The following LRRK2 variants were observed in gnomAD, a reference collection of about 807,000 sequenced individuals.
LRRK2 encodes leucine rich repeat kinase 2.
A neutral mutation model predicts 302.6 loss-of-function variants in LRRK2; 203 were observed. That is an observed-to-expected ratio of 0.67 (90% CI 0.60 to 0.75). The LOEUF (loss-of-function observed/expected upper bound fraction) is 0.75. LRRK2 is among the 30% of genes least tolerant of loss of function. The probability of loss-of-function intolerance (pLI) is 0.00; values close to 1 mark genes in which losing one functional copy is unlikely to be tolerated. For synonymous variants in LRRK2, 1,066 were observed against 1,031.9 expected (o/e 1.03, Z -0.63); for missense variants, 2,830 against 2,951.0 (o/e 0.96, Z 0.95).
chr12:40,269,777 T>C (rs1943160291), intron 14 of LRRK2, among the ~76,000 whole-genome samples: 1 of 152,164 alleles, frequency 6.6e-6, no homozygotes, highest in Non-Finnish European at 1.5e-5. Context: ...TTCCCAGGTA[T>C]TCGTTTTTTC....
rs1251279171 is a variant in LRRK2 at position 40,325,484 on chromosome 12, AGG to A, written c.5656+2180_5656+2181del. Among the ~76,000 whole-genome samples the A allele has an allele frequency of 2.6e-5, 4 of 152,100 alleles. No individual in the cohort carries two copies. In the South Asian group the frequency reaches 6.2e-4, roughly 24 times the overall value. On this transcript the variant is annotated intron_variant, in intron 38 of 50. Coordinates refer to ENST00000298910, the MANE Select transcript of LRRK2 (RefSeq NM_198578.4). The stretch of plus-strand genomic sequence containing the variant: ...TTGGATAACTAACTCTTTCTTATCG[AGG>A]GTCATCCTGTGCACTGCAGAATGTT...
chr12:40,286,654 C>T (rs1200316399), intron 19 of LRRK2: 2 of 152,186 alleles, frequency 1.3e-5, no homozygotes, highest in Admixed American at 1.3e-4. Context: ...TATTGTACTA[C>T]ATGATACAGC....
At chr12:40,340,182 C>T (rs1945996090) in intron 40 of LRRK2, 112 bp from the exon 41 acceptor site, 3 of 1,061,642 alleles carry the variant, frequency 2.8e-6, no homozygotes, top group Non-Finnish European at 4.2e-6. Context: ...ACAAAGTGAG[C>T]ACAGAATTTT....
intron 39 of LRRK2, among the ~76,000 whole-genome samples, chr12:40,333,568 G>T (rs1046108680): frequency 1.3e-5 from 2 of 152,098 alleles, no homozygotes; most frequent in African/African-American, 4.8e-5. Context: ...CACAGAGAGG[G>T]TTGTTGCCAT....
At chr12:40,353,989 G>C (rs914912808) in intron 44 of LRRK2, among the ~76,000 whole-genome samples, 2 of 152,104 alleles carry the variant, frequency 1.3e-5, no homozygotes, top group Non-Finnish European at 2.9e-5. Flanking sequence ...AGAGGGAGAG[G>C]GAGACCATGG....
chr12:40,347,026 A>AT lies in LRRK2; in HGVS notation c.6280+111dup, dbSNP rs11289057. On this transcript the variant is annotated intron_variant, in intron 42 of 50. Coordinates refer to ENST00000298910, the MANE Select transcript of LRRK2 (RefSeq NM_198578.4). Reference sequence around the variant, plus strand: ...TGCTTAATTCCTTAAACAGATGATCATTTTTTTTGTTTAGTGCATAAATAT... The same window carrying AT: ...TGCTTAATTCCTTAAACAGATGATCATTTTTTTTTGTTTAGTGCATAAATAT... 8 of 846,972 alleles carry AT rather than the reference A, an allele frequency of 9.4e-6. No individual in the cohort carries two copies. The East Asian group carries it at 1.4e-4, about 14-fold the overall frequency. The allele number at this position is 846,972 out of a possible 1,614,324, so 52.5% of individuals were successfully genotyped here. A position where few individuals can be genotyped will look rare whatever the true frequency, so the allele number is the denominator to read the frequency against.
intron 27 of LRRK2, 99 bp downstream of exon 27, chr12:40,304,233 GA>G (rs1252278390): frequency 8.9e-7 from 1 of 1,121,290 alleles, no homozygotes; most frequent in East Asian, 2.5e-5. Context: ...CCAATTTCAT[GA>G]AACTAGAAGC....
intron 41 of LRRK2, among the ~76,000 whole-genome samples, chr12:40,345,796 C>T (rs1946175105): frequency 6.6e-6 from 1 of 150,472 alleles, no homozygotes; most frequent in Admixed American, 6.7e-5. Flanking sequence ...TGCCATATCA[C>T]CTCTGAACAG....
At chr12:40,311,997 A>G (rs1030526663) in intron 31 of LRRK2, among the ~76,000 whole-genome samples, 3 of 152,102 alleles carry the variant, frequency 2.0e-5, no homozygotes, top group African/African-American at 4.8e-5. Context: ...CCATACTTCA[A>G]TAACTTTGTT....
chr12:40,319,531 C>G (rs985691271), intron 33 of LRRK2, among the ~76,000 whole-genome samples: 1 of 152,126 alleles, frequency 6.6e-6, no homozygotes, highest in Non-Finnish European at 1.5e-5. Flanking sequence ...AATCATGAAA[C>G]TCTGCTACAC....
intron 3 of LRRK2, among the ~76,000 whole-genome samples, chr12:40,234,987 T>C (rs763089629): frequency 4.6e-5 from 7 of 152,186 alleles, no homozygotes; most frequent in Non-Finnish European, 1.0e-4. Flanking sequence ...ATGAGACACA[T>C]AATAGTCCCC....
intron 39 of LRRK2, among the ~76,000 whole-genome samples, chr12:40,328,865 G>A (rs1181060929): frequency 1.3e-5 from 2 of 152,180 alleles, no homozygotes; most frequent in African/African-American, 4.8e-5. Context: ...ACAGTAGTCA[G>A]ACTCCTAGCT....
intron 13 of LRRK2, among the ~76,000 whole-genome samples, chr12:40,262,754 T>TTACTACTCAG (rs1208287806): frequency 1.3e-5 from 2 of 152,210 alleles, no homozygotes; most frequent in Non-Finnish European, 2.9e-5. Context: ...CATGATGTTT[T>TTACTACTCAG]TACTACTCAG....
chr12:40,257,354 G>T lies in LRRK2; in HGVS notation c.1395G>T (p.Met465Ile). 1 of 1,612,876 alleles carries T rather than the reference G, an allele frequency of 6.2e-7. No homozygotes were observed. The highest frequency in any genetic ancestry group is 8.5e-7 in the Non-Finnish European group (1 of 1,179,228). Residue 465 changes from methionine (M) to isoleucine (I), a missense_variant, in exon 12 of 51, where the codon ATG becomes ATT. This residue lies in a region of LRRK2 where 2,121 missense variants were observed against 2,148.0 expected (regional missense o/e 0.99). Transcript: ENST00000298910. The stretch of plus-strand genomic sequence containing the variant: ...AAGTGGCTGAAAGTGGCTGTAAAAT[G>T]CTAAATCATCTTTTTGAAGGAAGGT... ...SPEVAESGCK[M>I]LNHLFEGSNT...
intron 41 of LRRK2, among the ~76,000 whole-genome samples, chr12:40,342,171 G>A (rs184257931): frequency 1.3e-5 from 2 of 152,294 alleles, no homozygotes; most frequent in Admixed American, 1.3e-4. Flanking sequence ...TGGGCTGTGC[G>A]CTTGTACTTG....
At chr12:40,349,189 T>A (rs1265004118) in intron 43 of LRRK2, among the ~76,000 whole-genome samples, 4 of 152,220 alleles carry the variant, frequency 2.6e-5, no homozygotes, top group African/African-American at 9.6e-5. Flanking sequence ...GTCCCATAGA[T>A]CTGATGTGTC....
At position 40,348,488 on chromosome 12, in the gene LRRK2, A is replaced by C; in HGVS notation, c.6360A>C (p.Gln2120His). The change falls in exon 43 of 51, where the codon CAA (glutamine) becomes CAC (histidine). Residue 2120 changes from glutamine (Q) to histidine (H), a missense_variant. By Grantham distance (24) the Gln-to-His change is conservative (BLOSUM62 0). Transcript: ENST00000298910. ...LIKQCLKENP[Q>H]ERPTSAQVFD... ...AACAGTGTTTGAAAGAAAATCCTCA[A>C]GAAAGGCCTACTTCTGCCCAGGTAT... is the stretch of plus-strand genomic sequence containing the variant. The C allele has an allele frequency of 1.2e-6, 2 of 1,611,974 alleles. No individual in the cohort carries two copies. The highest frequency in any genetic ancestry group is 1.7e-6 in the Non-Finnish European group (2 of 1,178,270).
At chr12:40,232,065 G>A (rs1941227170) in intron 2 of LRRK2, among the ~76,000 whole-genome samples, 1 of 151,914 alleles carries the variant, frequency 6.6e-6, no homozygotes. Context: ...ATGTCTTTCT[G>A]GTATGATTTT....
intron 20 of LRRK2, among the ~76,000 whole-genome samples, chr12:40,291,444 AT>A (rs1944155594): frequency 2.0e-5 from 3 of 150,012 alleles, no homozygotes; most frequent in Admixed American, 6.7e-5. Context: ...ATATATATAT[AT>A]ATATAAATTT....
Sources: gnomAD v4.1 joint callset for allele counts (sites outside exome capture counted in the v4.1 genomes callset) on GRCh38, gnomAD v4.1.1 for gene constraint, gnomAD v4.1.1 regional missense constraint, MANE v1.5 for transcripts, NCBI Gene and HGNC (gene_info 2026-07-23, HGNC 2026-07-21) for gene names.